The following PCDH9 variants were observed in gnomAD, a reference collection of about 807,000 sequenced individuals.
PCDH9 encodes protocadherin-9.
In PCDH9, 24 loss-of-function variants were observed where a neutral mutation model predicts 70.6. The ratio of observed to expected loss-of-function variants is 0.34; its 90% CI spans 0.25 to 0.48. The LOEUF is 0.48. Among genes scored for constraint, PCDH9 ranks in the 20% least tolerant of loss-of-function variants. PCDH9 has a pLI of 0.99. For missense variants in PCDH9, 1,281 were observed against 1,503.6 expected, an observed-to-expected ratio of 0.85 and a Z score of 2.45; for synonymous variants, 562 against 558.5, an observed-to-expected ratio of 1.01 and a Z score of -0.09.
chr13:66,858,900 G>C (rs889501373), intron 3 of PCDH9: 1 of 152,084 alleles, frequency 6.6e-6, no homozygotes, highest in African/African-American at 2.4e-5. Context: ...GCCTCATAAA[G>C]CCCCTTCTGT....
intron 2 of PCDH9, among the ~76,000 whole-genome samples, chr13:67,151,528 A>T (rs2087661158): frequency 6.6e-6 from 1 of 152,124 alleles, no homozygotes; most frequent in South Asian, 2.1e-4. Flanking sequence ...CATAGTTTTG[A>T]CTTAGGTAGG....
At chr13:66,408,267 C>T (rs998734596) in intron 4 of PCDH9, among the ~76,000 whole-genome samples, 1 of 152,044 alleles carries the variant, frequency 6.6e-6, no homozygotes, top group African/African-American at 2.4e-5. Context: ...ACCTTGTTAG[C>T]CAGGATGGTC....
At chr13:67,094,280 T>C (rs1031942064) in intron 2 of PCDH9, among the ~76,000 whole-genome samples, 2 of 152,210 alleles carry the variant, frequency 1.3e-5, no homozygotes, top group African/African-American at 2.4e-5. Context: ...CATGTTTCAA[T>C]TTCACATTCC....
chr13:67,104,345 A>G (rs867096823), intron 2 of PCDH9, among the ~76,000 whole-genome samples: 3 of 152,202 alleles, frequency 2.0e-5, no homozygotes, highest in African/African-American at 7.2e-5. Context: ...GCTCTTAGAC[A>G]CGTGGAGCAT....
At chr13:66,864,218 C>A (rs1472812125) in intron 3 of PCDH9, among the ~76,000 whole-genome samples, 1 of 152,028 alleles carries the variant, frequency 6.6e-6, no homozygotes, top group African/African-American at 2.4e-5. Flanking sequence ...AAAGATAGTT[C>A]ATAGGATTAT....
chr13:66,556,280 A>G (rs896019651), intron 4 of PCDH9, among the ~76,000 whole-genome samples: 4 of 152,184 alleles, frequency 2.6e-5, no homozygotes, highest in Non-Finnish European at 5.9e-5. Flanking sequence ...GCTTATTTTA[A>G]AAATCTGTTT....
At chr13:66,732,329 T>C (rs1336803318) in intron 3 of PCDH9, among the ~76,000 whole-genome samples, 1 of 151,928 alleles carries the variant, frequency 6.6e-6, no homozygotes, top group Non-Finnish European at 1.5e-5. Context: ...TAACTATAGC[T>C]TTCCTACTGT....
chr13:66,964,862 C>A (rs1035209449), intron 2 of PCDH9, among the ~76,000 whole-genome samples: 7 of 151,802 alleles, frequency 4.6e-5, no homozygotes, highest in Non-Finnish European at 7.4e-5. Context: ...CATGAAAATT[C>A]AAGAGCATTA....
intron 4 of PCDH9, among the ~76,000 whole-genome samples, chr13:66,590,060 G>C (rs1700278468): frequency 6.6e-6 from 1 of 151,998 alleles, no homozygotes; most frequent in African/African-American, 2.4e-5. Flanking sequence ...AATAAAAGCA[G>C]AGTGTTATGG....
chr13:66,699,149 A>C (rs1293733093), intron 3 of PCDH9, among the ~76,000 whole-genome samples: 1 of 151,942 alleles, frequency 6.6e-6, no homozygotes, highest in Non-Finnish European at 1.5e-5. Context: ...CCTGACCTTA[A>C]GTGATCCTCC....
chr13:66,810,574 TTATATA>T (rs1472175553), intron 3 of PCDH9, among the ~76,000 whole-genome samples: 1 of 152,000 alleles, frequency 6.6e-6, no homozygotes, highest in Non-Finnish European at 1.5e-5. Flanking sequence ...TTATGCTACT[TTATATA>T]TACAACAGTG....
intron 4 of PCDH9, among the ~76,000 whole-genome samples, chr13:66,397,794 T>C (rs1957129184): frequency 6.6e-6 from 1 of 151,852 alleles, no homozygotes; most frequent in African/African-American, 2.4e-5. Flanking sequence ...TTATTCTCCA[T>C]AAAGAAGCAG....
chr13:66,588,376 T>TAGG (rs2076992138), intron 4 of PCDH9, among the ~76,000 whole-genome samples: 3 of 151,984 alleles, frequency 2.0e-5, no homozygotes, highest in Non-Finnish European at 2.9e-5. Flanking sequence ...AGATTTAGGT[T>TAGG]TCCAATAAGA....
chr13:66,343,523 T>C lies in PCDH9; in HGVS notation c.3341-38495A>G, dbSNP rs113099004. On this transcript the variant is annotated intron_variant, in intron 4 of 4. Transcript: ENST00000377865. ...AAGGTCTCCTACATTCCTCAACACA[T>C]TGGCACCTCCCACTTCAAACCAGCA... is the stretch of plus-strand genomic sequence containing the variant. Among the ~76,000 whole-genome samples, 1,013 of 152,324 alleles carry C rather than the reference T, an allele frequency of 6.7e-3. 6 individuals carry two copies. Among genetic ancestry groups the C allele is most frequent in the African/African-American group, 0.023 (949 of 41,572 alleles).
chr13:66,552,540 T>A (rs1961532048), intron 4 of PCDH9, among the ~76,000 whole-genome samples: 1 of 152,186 alleles, frequency 6.6e-6, no homozygotes, highest in Admixed American at 6.5e-5. Context: ...GCCTGATGCC[T>A]GTCTCAATTC....
intron 4 of PCDH9, among the ~76,000 whole-genome samples, chr13:66,463,054 C>T (rs1845368201): frequency 6.6e-6 from 1 of 151,842 alleles, no homozygotes; most frequent in African/African-American, 2.4e-5. Context: ...ATAATTCTCT[C>T]TCTCTCTTCA....
intron 4 of PCDH9, among the ~76,000 whole-genome samples, chr13:66,591,583 C>A (rs1312883095): frequency 6.6e-6 from 1 of 151,012 alleles, no homozygotes; most frequent in African/African-American, 2.4e-5. Flanking sequence ...TAGCATGTAA[C>A]AAGTAATGAT....
intron 2 of PCDH9, among the ~76,000 whole-genome samples, chr13:67,124,814 G>A (rs1259593904): frequency 6.6e-6 from 1 of 152,162 alleles, no homozygotes; most frequent in Non-Finnish European, 1.5e-5. Context: ...AATGAATCAG[G>A]AGTGAGAACA....
intron 3 of PCDH9, among the ~76,000 whole-genome samples, chr13:66,703,814 T>C (rs1366471488): frequency 6.6e-6 from 1 of 151,990 alleles, no homozygotes; most frequent in Non-Finnish European, 1.5e-5. Flanking sequence ...GGAAGGTTGA[T>C]TGATTGAGCC....
Sources: gnomAD v4.1 joint callset for allele counts (sites outside exome capture counted in the v4.1 genomes callset) on GRCh38, gnomAD v4.1.1 for gene constraint, MANE v1.5 for transcripts, NCBI Gene and HGNC (gene_info 2026-07-23, HGNC 2026-07-21) for gene names.